Variants in IHO1 observed in about 807,000 individuals in gnomAD.
The protein encoded by IHO1 is interactor of HORMAD1 protein 1.
IHO1 carries 13 observed loss-of-function variants against 31.0 expected under a neutral mutation model. That is an observed-to-expected ratio of 0.42 (90% CI 0.27 to 0.67). IHO1 has a LOEUF of 0.67. Among genes scored for constraint, IHO1 ranks in the 30% least tolerant of loss-of-function variants. IHO1 has a pLI of 0.24. For missense variants in IHO1, 599 were observed against 687.5 expected, an observed-to-expected ratio of 0.87 and a Z score of 1.44; for synonymous variants, 221 against 248.4, an observed-to-expected ratio of 0.89 and a Z score of 1.04.
At chr3:49,207,046 T>TAAA (rs2046147663) in intron 1 of IHO1, among the ~76,000 whole-genome samples, 1 of 60,578 alleles carries the variant, frequency 1.7e-5, no homozygotes, top group Non-Finnish European at 3.0e-5. Flanking sequence ...AGACTCTGTC[T>TAAA]CAAAAAAAAA....
intron 2 of IHO1, among the ~76,000 whole-genome samples, chr3:49,220,065 G>A (rs1163560352): frequency 6.6e-6 from 1 of 152,324 alleles, no homozygotes; most frequent in East Asian, 1.9e-4. Context: ...TGACTGAGCA[G>A]CACCTTGAGC....
chr3:49,251,784 T>TAG (rs1191144880), intron 6 of IHO1, among the ~76,000 whole-genome samples: 2 of 152,014 alleles, frequency 1.3e-5, no homozygotes, highest in Non-Finnish European at 2.9e-5. Flanking sequence ...GTATTTTTAG[T>TAG]AGAGACGGGG....
At chr3:49,241,471 CAA>C in intron 4 of IHO1, 82 bp downstream of exon 4, 1 of 1,341,420 alleles carries the variant, frequency 7.5e-7, no homozygotes, top group Non-Finnish European at 1.0e-6. Flanking sequence ...TTAAATAATT[CAA>C]TTTTAGCATA....
At chr3:49,234,067 C>G (rs944139867) in intron 2 of IHO1, among the ~76,000 whole-genome samples, 1 of 150,446 alleles carries the variant, frequency 6.6e-6, no homozygotes, top group East Asian at 1.9e-4. Flanking sequence ...GGGTCAAACT[C>G]TGTTCGGGGC....
At chr3:49,249,875 A>T (rs778191517) in intron 6 of IHO1, among the ~76,000 whole-genome samples, 24 of 152,220 alleles carry the variant, frequency 1.6e-4, no homozygotes, top group Non-Finnish European at 2.9e-4. Flanking sequence ...ATAAAACTAC[A>T]GAGTAAAAGG....
At chr3:49,251,349 A>T (rs1388060276) in intron 6 of IHO1, among the ~76,000 whole-genome samples, 1 of 144,262 alleles carries the variant, frequency 6.9e-6, no homozygotes, top group Non-Finnish European at 1.5e-5. Context: ...GTAGTGGCAC[A>T]ATCTCAGCTC....
At chr3:49,199,308 C>T (rs564336316), upstream of IHO1, among the ~76,000 whole-genome samples, 5 of 152,262 alleles carry the variant, frequency 3.3e-5, no homozygotes, top group South Asian at 6.2e-4. Flanking sequence ...CCTGTCGCGG[C>T]GAGGGCGGGG....
upstream of IHO1, among the ~76,000 whole-genome samples, chr3:49,195,522 C>T (rs1010614155): frequency 1.3e-5 from 2 of 151,138 alleles, no homozygotes; most frequent in African/African-American, 4.9e-5. Flanking sequence ...TAGAGACCAT[C>T]CTGGCTAACA....
intron 1 of IHO1, among the ~76,000 whole-genome samples, chr3:49,205,766 ATTTTTT>A (rs71627374): frequency 1.7e-5 from 2 of 115,348 alleles, no homozygotes; most frequent in Non-Finnish European, 3.4e-5. Flanking sequence ...CGCCTGGGCA[ATTTTTT>A]TTTTTTTTTT....
chr3:49,219,041 G>C (rs2046320655), intron 2 of IHO1, among the ~76,000 whole-genome samples: 1 of 152,096 alleles, frequency 6.6e-6, no homozygotes, highest in South Asian at 2.1e-4. Context: ...AAAATAAGAG[G>C]CTCATGCTTG....
At chr3:49,200,661 C>A in intron 1 of IHO1, 1 of 690,578 alleles carries the variant, frequency 1.4e-6, no homozygotes, top group Non-Finnish European at 1.8e-6. Context: ...TAGTTCCATT[C>A]CTTGCATGCA....
intron 3 of IHO1, among the ~76,000 whole-genome samples, chr3:49,240,369 G>T (rs754866378): frequency 3.3e-5 from 5 of 152,232 alleles, no homozygotes; most frequent in Admixed American, 1.3e-4. Flanking sequence ...GATTACAGGC[G>T]CCTGCCAGCA....
chr3:49,198,236 A>G (rs1236472051), upstream of IHO1, among the ~76,000 whole-genome samples: 1 of 152,170 alleles, frequency 6.6e-6, no homozygotes, highest in Non-Finnish European at 1.5e-5. Context: ...CATCCTCACT[A>G]CATCACTGTA....
chr3:49,244,566 T>C, intron 5 of IHO1, 80 bp from the exon 6 acceptor site: 1 of 1,375,388 alleles, frequency 7.3e-7, no homozygotes, highest in Non-Finnish European at 1.0e-6. Flanking sequence ...CTATCCCTAT[T>C]TATCATGAAA....
intron 1 of IHO1, among the ~76,000 whole-genome samples, chr3:49,204,006 A>G (rs1217350304): frequency 5.9e-5 from 9 of 152,148 alleles, no homozygotes; most frequent in Non-Finnish European, 8.8e-5. Context: ...CAGCTAGGTG[A>G]TTTAAATAAA....
Position 49,241,313 on chromosome 3 carries a change from T to C in IHO1, c.319T>C (p.Leu107=), listed in dbSNP as rs753906566. 9.9e-6 allele frequency: 16 copies of C among 1,613,696 alleles called. No individual in the cohort carries two copies. The African/African-American group carries it at 1.6e-4, about 16-fold the overall frequency. Residue 107 remains leucine, a synonymous_variant, in exon 4 of 8, where the codon TTG becomes CTG. Transcript: ENST00000452691. ...IKDGGLFPPP[L]SVGKSKGLLE... ...AGATGGAGGTTTATTTCCTCCTCCT[T>C]TGTCAGTTGGAAAATCAAAAGGCCT...
upstream of IHO1, among the ~76,000 whole-genome samples, chr3:49,193,749 G>A (rs1395054646): frequency 3.3e-5 from 5 of 151,250 alleles, no homozygotes; most frequent in Non-Finnish European, 7.4e-5. Flanking sequence ...GGATCACGAG[G>A]TTAGCAGTTC....
At chr3:49,217,860 G>A (rs2046308412) in intron 2 of IHO1, among the ~76,000 whole-genome samples, 1 of 152,166 alleles carries the variant, frequency 6.6e-6, no homozygotes. Flanking sequence ...TCTAATACTG[G>A]TACTGATCTG....
At chr3:49,240,640 G>A (rs376662501) in intron 3 of IHO1, among the ~76,000 whole-genome samples, 1 of 152,082 alleles carries the variant, frequency 6.6e-6, no homozygotes, top group East Asian at 1.9e-4. Context: ...GGAGTACAGG[G>A]GTGAGCCACC....
Sources: gnomAD v4.1 joint callset for allele counts (sites outside exome capture counted in the v4.1 genomes callset) on GRCh38, gnomAD v4.1.1 for gene constraint, MANE v1.5 for transcripts, NCBI Gene and HGNC (gene_info 2026-07-23, HGNC 2026-07-21) for gene names.